SCOC: variants seen among roughly 807,000 people sequenced by gnomAD.
SCOC encodes the protein short coiled-coil protein.
A neutral mutation model predicts 9.9 loss-of-function variants in SCOC; 7 were observed. That is an observed-to-expected ratio of 0.71 (90% CI 0.40 to 1.33). The LOEUF (loss-of-function observed/expected upper bound fraction) is 1.33, where lower values mean the gene tolerates loss of function less well. Ranked by LOEUF, SCOC falls within the 40% of genes most tolerant of loss-of-function variation. The pLI is 0.01. For synonymous variants in SCOC, 19 were observed against 28.2 expected, an observed-to-expected ratio of 0.67 and a Z score of 1.03; for missense variants, 66 against 89.7, an observed-to-expected ratio of 0.74 and a Z score of 1.07.
intron 1 of SCOC, among the ~76,000 whole-genome samples, chr4:140,318,015 A>G (rs1278512530): frequency 1.3e-5 from 2 of 151,546 alleles, no homozygotes; most frequent in Non-Finnish European, 2.9e-5. Flanking sequence ...ATGTCCCTAC[A>G]AAGGACATGA....
intron 1 of SCOC, chr4:140,314,068 T>G (rs1326082392): frequency 1.3e-5 from 2 of 150,490 alleles, no homozygotes; most frequent in Admixed American, 1.3e-4. Flanking sequence ...GTGCAGAGAC[T>G]GCGCCACTGT....
chr4:140,363,373 T>C (rs553123128), intron 2 of SCOC, among the ~76,000 whole-genome samples: 9 of 152,164 alleles, frequency 5.9e-5, no homozygotes, highest in Non-Finnish European at 1.2e-4. Flanking sequence ...TAATGGAAAA[T>C]TTTTTGGAGA....
chr4:140,279,578 T>C (rs547586952), intron 1 of SCOC, among the ~76,000 whole-genome samples: 23 of 152,340 alleles, frequency 1.5e-4, no homozygotes, highest in South Asian at 1.2e-3. Flanking sequence ...GATTCGATTC[T>C]TGTGACTTTC....
chr4:140,295,057 T>C (rs570194815), intron 1 of SCOC, among the ~76,000 whole-genome samples: 6 of 152,346 alleles, frequency 3.9e-5, no homozygotes, highest in African/African-American at 1.4e-4. Context: ...TTAGGAAGCA[T>C]ATCTTCTGTC....
chr4:140,368,335 T>C lies in SCOC; in HGVS notation c.71-10786T>C, dbSNP rs562298762. On this transcript the variant is annotated intron_variant, in intron 2 of 4. Coordinates refer to the SCOC transcript ENST00000338517. The stretch of plus-strand genomic sequence containing the variant: ...GAACTTAGCTTTATTCTAAGCAACA[T>C]GTTAACATCTGTGAATTGAGAATTT... Among the ~76,000 whole-genome samples the C allele has an allele frequency of 2.6e-5, 4 of 152,332 alleles. No homozygotes were observed. The East Asian group carries it at 7.7e-4, about 29-fold the overall frequency.
chr4:140,291,528 G>A (rs753048810), intron 1 of SCOC: 6 of 457,178 alleles, frequency 1.3e-5, no homozygotes, highest in South Asian at 4.6e-5. Context: ...GGTCTCCTGG[G>A]ACTGTATTAT....
At chr4:140,293,342 C>T (rs1040256567) in intron 1 of SCOC, 11 of 456,746 alleles carry the variant, frequency 2.4e-5, no homozygotes, top group Admixed American at 1.9e-4. Flanking sequence ...TGTTTCCTCA[C>T]GTCACTCCTG....
chr4:140,293,517 G>T, intron 1 of SCOC: 1 of 393,682 alleles, frequency 2.5e-6, no homozygotes. Flanking sequence ...AAGAAGGATT[G>T]GATAGGAAGA....
At chr4:140,289,026 ACT>A (rs1267320014) in intron 1 of SCOC, among the ~76,000 whole-genome samples, 1 of 151,918 alleles carries the variant, frequency 6.6e-6, no homozygotes, top group Non-Finnish European at 1.5e-5. Flanking sequence ...TGACACACAC[ACT>A]CACTACTACA....
At chr4:140,300,959 T>C (rs559138405) in intron 1 of SCOC, among the ~76,000 whole-genome samples, 4 of 152,128 alleles carry the variant, frequency 2.6e-5, no homozygotes, top group Non-Finnish European at 5.9e-5. Context: ...GAGGAGCTGG[T>C]TGGTTTAGGC....
At chr4:140,348,575 T>C (rs74365776) in intron 2 of SCOC, among the ~76,000 whole-genome samples, 386 of 151,098 alleles carry the variant, frequency 2.6e-3, no homozygotes, top group African/African-American at 8.3e-3. Context: ...TGTATATATA[T>C]ACGCACACAC....
intron 1 of SCOC, among the ~76,000 whole-genome samples, chr4:140,276,453 TTTTG>T (rs558264360): frequency 5.4e-5 from 8 of 148,932 alleles, no homozygotes; most frequent in South Asian, 4.3e-4. Context: ...TCTCACAGGT[TTTTG>T]TTTGTTTGTT....
intron 1 of SCOC, among the ~76,000 whole-genome samples, chr4:140,324,338 C>A (rs777348435): frequency 9.9e-5 from 15 of 152,114 alleles, no homozygotes; most frequent in Non-Finnish European, 1.8e-4. Flanking sequence ...CAACACCAGA[C>A]TGGAAGTCAT....
chr4:140,380,400 A>G (rs1230896974), intron 3 of SCOC, among the ~76,000 whole-genome samples: 1 of 151,688 alleles, frequency 6.6e-6, no homozygotes, highest in Non-Finnish European at 1.5e-5. Flanking sequence ...GGGTTTCACT[A>G]TGTTGGCCAG....
intron 2 of SCOC, among the ~76,000 whole-genome samples, chr4:140,355,339 T>G (rs1247941611): frequency 2.0e-5 from 3 of 151,396 alleles, no homozygotes; most frequent in Non-Finnish European, 2.9e-5. Context: ...ATTAAAAACG[T>G]ATTATATGCC....
chr4:140,362,532 T>C (rs1331832698), intron 2 of SCOC, among the ~76,000 whole-genome samples: 1 of 151,420 alleles, frequency 6.6e-6, no homozygotes, highest in Non-Finnish European at 1.5e-5. Context: ...TGACCTCAAG[T>C]GATCTGCTCA....
intron 2 of SCOC, among the ~76,000 whole-genome samples, chr4:140,354,509 CTTTTT>C (rs397878492): frequency 5.8e-5 from 6 of 103,732 alleles, no homozygotes; most frequent in South Asian, 3.7e-4. Context: ...TCTCAAAGAA[CTTTTT>C]TTTTTTTTTT....
At chr4:140,288,681 A>G (rs778425963) in intron 1 of SCOC, among the ~76,000 whole-genome samples, 25 of 152,130 alleles carry the variant, frequency 1.6e-4, no homozygotes, top group Admixed American at 2.6e-4. Flanking sequence ...TATATATACC[A>G]CATATACATA....
At chr4:140,301,886 C>T (rs1355239865) in intron 1 of SCOC, among the ~76,000 whole-genome samples, 1 of 152,174 alleles carries the variant, frequency 6.6e-6, no homozygotes, top group Non-Finnish European at 1.5e-5. Context: ...GGCTGGAGTA[C>T]GGTGGTACAA....
Sources: gnomAD v4.1 joint callset for allele counts (sites outside exome capture counted in the v4.1 genomes callset) on GRCh38, gnomAD v4.1.1 for gene constraint, MANE v1.5 for transcripts, NCBI Gene and HGNC (gene_info 2026-07-23, HGNC 2026-07-21) for gene names.